Variants in KCNK2 observed in about 807,000 individuals in gnomAD.
KCNK2 encodes potassium channel subfamily K member 2.
A neutral mutation model predicts 40.5 loss-of-function variants in KCNK2; 21 were observed. That is an observed-to-expected ratio of 0.52 (90% CI 0.37 to 0.75). The LOEUF is 0.75. KCNK2 is among the 30% of genes least tolerant of loss of function. The pLI, the probability that KCNK2 is intolerant of heterozygous loss-of-function variation, is 0.00. For synonymous variants in KCNK2, 191 were observed against 202.2 expected, an observed-to-expected ratio of 0.94 and a Z score of 0.47; for missense variants, 399 against 531.6, an observed-to-expected ratio of 0.75 and a Z score of 2.45.
intron 2 of KCNK2, among the ~76,000 whole-genome samples, chr1:215,103,885 G>T (rs1478036495): frequency 2.6e-5 from 4 of 151,940 alleles, no homozygotes; most frequent in African/African-American, 9.7e-5. Context: ...CCTGATTCAG[G>T]ATTAAATTGC....
chr1:215,208,940 G>C (rs1665435375), intron 6 of KCNK2, among the ~76,000 whole-genome samples: 1 of 151,746 alleles, frequency 6.6e-6, no homozygotes. Flanking sequence ...CAATTCTCCT[G>C]TCTCGGCATG....
Position 215,007,161 on chromosome 1 carries a change from GTA to G in KCNK2, c.34+1216_34+1217del, listed in dbSNP as rs1192422828. ...TATATATGTGTATATATATATGTAT[GTA>G]TATATATATGTATGTGTGTGGGTAT... On this transcript the variant is annotated intron_variant, in intron 1 of 6. Transcript: ENST00000391895. 3.7e-4 allele frequency among the ~76,000 whole-genome samples: 33 copies of G among 88,596 alleles called. No individual in the cohort carries two copies. The South Asian group carries it at 6.0e-3, about 16-fold the overall frequency. The allele number at this position is 88,596 out of a possible 152,430, so 58.1% of individuals were successfully genotyped here. A position where few individuals can be genotyped will look rare whatever the true frequency, so the allele number is the denominator to read the frequency against.
intron 1 of KCNK2, among the ~76,000 whole-genome samples, chr1:215,039,760 C>G (rs1657503242): frequency 6.6e-6 from 1 of 152,084 alleles, no homozygotes; most frequent in Admixed American, 6.5e-5. Flanking sequence ...GAACTTGGAT[C>G]TTTGCCATCG....
chr1:215,229,509 A>T (rs80233670), intron 6 of KCNK2, among the ~76,000 whole-genome samples: 28,260 of 151,756 alleles, frequency 0.19, 3,111 homozygotes, highest in South Asian at 0.46. Flanking sequence ...ACAAAAAATT[A>T]AAAAAATTAG....
At chr1:215,059,830 G>C (rs1658307677) in intron 1 of KCNK2, among the ~76,000 whole-genome samples, 1 of 152,180 alleles carries the variant, frequency 6.6e-6, no homozygotes, top group Non-Finnish European at 1.5e-5. Flanking sequence ...CTCTCCTCTG[G>C]TCTGAACCCC....
chr1:215,195,977 A>G (rs1033498424), intron 6 of KCNK2, among the ~76,000 whole-genome samples: 3 of 152,180 alleles, frequency 2.0e-5, no homozygotes, highest in African/African-American at 7.2e-5. Flanking sequence ...TTTCATGGCT[A>G]TAAGCATGAA....
upstream of KCNK2, chr1:215,005,629 A>G: frequency 2.6e-6 from 1 of 389,644 alleles, no homozygotes; most frequent in Non-Finnish European, 4.6e-6. Context: ...CTCTGGAACA[A>G]CTGGGATATA....
intron 1 of KCNK2, among the ~76,000 whole-genome samples, chr1:215,070,079 G>T (rs769725572): frequency 6.6e-6 from 1 of 152,060 alleles, no homozygotes; most frequent in Non-Finnish European, 1.5e-5. Context: ...TCTCATGCTG[G>T]TATTAAAGAC....
intron 3 of KCNK2, among the ~76,000 whole-genome samples, chr1:215,131,081 C>T (rs1258675679): frequency 6.6e-6 from 1 of 150,726 alleles, no homozygotes; most frequent in Admixed American, 6.6e-5. Context: ...AAGATGGTCT[C>T]GATCTCCTGA....
chr1:215,044,563 A>G (rs1404602597), intron 1 of KCNK2, among the ~76,000 whole-genome samples: 1 of 152,188 alleles, frequency 6.6e-6, no homozygotes, highest in African/African-American at 2.4e-5. Flanking sequence ...ATTTCCTATT[A>G]GGGTGCATAT....
At chr1:215,195,184 A>C in intron 6 of KCNK2, 92 bp downstream of exon 6, 1 of 1,005,010 alleles carries the variant, frequency 1.0e-6, no homozygotes, top group Non-Finnish European at 1.4e-6. Context: ...TAAAATATTT[A>C]AACATTTTAA....
intron 3 of KCNK2, among the ~76,000 whole-genome samples, chr1:215,137,135 T>G (rs1379938277): frequency 6.6e-6 from 1 of 152,186 alleles, no homozygotes; most frequent in African/African-American, 2.4e-5. Flanking sequence ...TATCATAGGT[T>G]TTTGGCAGAG....
At chr1:215,210,782 A>G (rs757044350) in intron 6 of KCNK2, among the ~76,000 whole-genome samples, 3 of 152,178 alleles carry the variant, frequency 2.0e-5, no homozygotes, top group African/African-American at 7.2e-5. Context: ...GCAATGGTGC[A>G]CAAAAATGAT....
intron 1 of KCNK2, among the ~76,000 whole-genome samples, chr1:215,052,463 G>T (rs1432380657): frequency 6.6e-6 from 1 of 152,154 alleles, no homozygotes; most frequent in Non-Finnish European, 1.5e-5. Context: ...TTCAGATTCA[G>T]GATAAACATT....
chr1:215,150,073 A>G (rs200794462), intron 3 of KCNK2, among the ~76,000 whole-genome samples: 225 of 152,332 alleles, frequency 1.5e-3, no homozygotes, highest in African/African-American at 5.2e-3. Flanking sequence ...TAGTAAGATC[A>G]GTCTTAGTAA....
At chr1:215,071,435 G>T (rs1445049828) in intron 1 of KCNK2, among the ~76,000 whole-genome samples, 2 of 152,156 alleles carry the variant, frequency 1.3e-5, no homozygotes, top group Non-Finnish European at 2.9e-5. Context: ...TTTCCGAGCT[G>T]AGAACTGAAT....
chr1:215,027,400 T>G (rs1218309076), intron 1 of KCNK2, among the ~76,000 whole-genome samples: 3 of 152,200 alleles, frequency 2.0e-5, no homozygotes, highest in Non-Finnish European at 2.9e-5. Context: ...CGGAAATATT[T>G]CCATTAACTT....
intron 3 of KCNK2, among the ~76,000 whole-genome samples, chr1:215,142,417 G>T (rs1348969451): frequency 3.3e-5 from 5 of 152,070 alleles, no homozygotes. Context: ...CAAAAATTTA[G>T]TTAGAAACTT....
At chr1:215,068,495 G>A (rs1306813651) in intron 1 of KCNK2, among the ~76,000 whole-genome samples, 4 of 152,032 alleles carry the variant, frequency 2.6e-5, no homozygotes, top group South Asian at 2.1e-4. Context: ...ACTAAACAAG[G>A]TTTTTTGTTT....
Sources: allele counts gnomAD v4.1 joint callset (sites outside exome capture counted in the v4.1 genomes callset), GRCh38; gene constraint gnomAD v4.1.1; transcripts MANE v1.5; gene names NCBI Gene and HGNC (gene_info 2026-07-23, HGNC 2026-07-21).